The following NUP88 variants were observed in gnomAD, a reference collection of about 807,000 sequenced individuals.
The protein encoded by NUP88 is nucleoporin 88.
In NUP88, 57 loss-of-function variants were observed where a neutral mutation model predicts 93.9. That is an observed-to-expected ratio of 0.61 (90% CI 0.49 to 0.76). The LOEUF is 0.76. Among genes scored for constraint, NUP88 ranks in the 30% least tolerant of loss-of-function variants. The pLI, the probability that NUP88 is intolerant of heterozygous loss-of-function variation, is 0.00. For missense variants in NUP88, 911 were observed against 901.0 expected (o/e 1.01, Z -0.14); for synonymous variants, 346 against 336.8 (o/e 1.03, Z -0.30).
In NUP88 at chr17:5,388,928, A is replaced by T. The variant is rs1433475578; in HGVS notation, c.1517T>A (p.Leu506His). ...CACTTCAACATCTTCTCGAGTACAA[A>T]GCAGGGGAGGAGACGCTGGATGGAC... ...STVHPASPPL[L>H]CTREDVEVAE... is the part of the protein sequence containing the mutation. The change falls in exon 11 of 17, where the codon CTT becomes CAT. Residue 506 changes from leucine to histidine, a missense_variant. Leu to His is a moderately conservative substitution (Grantham distance 99, BLOSUM62 -3). Coordinates refer to ENST00000573584, the MANE Select transcript of NUP88 (RefSeq NM_002532.6). The T allele has an allele frequency of 1.9e-6, 3 of 1,613,338 alleles. No homozygotes were observed. The Admixed American group carries it at 5.0e-5, about 27-fold the overall frequency.
At chr17:5,399,034 G>A (rs536929871) in intron 8 of NUP88, among the ~76,000 whole-genome samples, 5 of 151,576 alleles carry the variant, frequency 3.3e-5, no homozygotes, top group East Asian at 3.9e-4. Flanking sequence ...GACTACAGGC[G>A]CCCGCCACCA....
At chr17:5,417,058 C>G (rs150620508) in intron 1 of NUP88, among the ~76,000 whole-genome samples, 1 of 152,024 alleles carries the variant, frequency 6.6e-6, no homozygotes, top group Non-Finnish European at 1.5e-5. Flanking sequence ...CACCTGTTCC[C>G]GTGCTCACAA....
At chr17:5,408,412 C>T (rs1302955866) in intron 5 of NUP88, among the ~76,000 whole-genome samples, 1 of 152,060 alleles carries the variant, frequency 6.6e-6, no homozygotes, top group African/African-American at 2.4e-5. Context: ...CATAAGATAC[C>T]AGATTACCAC....
At chr17:5,404,993 C>G in intron 6 of NUP88, 64 bp downstream of exon 6, 1 of 1,336,500 alleles carries the variant, frequency 7.5e-7, no homozygotes, top group Non-Finnish European at 1.0e-6. Context: ...ATTAAGCATT[C>G]ATATTGGGTC....
chr17:5,410,640 A>G (rs1271250002), intron 4 of NUP88, 63 bp downstream of exon 4: 7 of 1,015,514 alleles, frequency 6.9e-6, no homozygotes, highest in Non-Finnish European at 1.1e-5. Flanking sequence ...ACCTGTTAAA[A>G]TTGCATTTAT....
intron 7 of NUP88, among the ~76,000 whole-genome samples, chr17:5,403,492 A>G (rs928913554): frequency 6.6e-6 from 1 of 152,016 alleles, no homozygotes; most frequent in Non-Finnish European, 1.5e-5. Context: ...AAATGAATAA[A>G]TGAAATAAAA....
chr17:5,387,947 AAAC>A, intron 11 of NUP88, 43 bp from the exon 12 acceptor site: 1 of 1,547,722 alleles, frequency 6.5e-7, no homozygotes, highest in South Asian at 1.2e-5. Context: ...TAGCTGAGTA[AAAC>A]AACTGAAAAT....
rs1914158736 is a variant in NUP88 at position 5,416,492 on chromosome 17, GATAA to G, written c.467+17_467+20del. ...TTCTGTATATATAATAAATTATACAGATAAATAGTATACAACTTACCTACAATTC... is the reference window on the plus strand; with the variant it reads ...TTCTGTATATATAATAAATTATACAGATAGTATACAACTTACCTACAATTC... On this transcript the variant is annotated intron_variant, in intron 2 of 16. Coordinates refer to ENST00000573584, the MANE Select transcript of NUP88 (RefSeq NM_002532.6). 1 of 1,542,024 alleles carries G rather than the reference GATAA, an allele frequency of 6.5e-7. No homozygotes were observed. The highest frequency in any genetic ancestry group is 1.4e-5 in the African/African-American group (1 of 72,320).
chr17:5,417,280 C>G (rs1393944022), intron 1 of NUP88, among the ~76,000 whole-genome samples: 1 of 152,130 alleles, frequency 6.6e-6, no homozygotes, highest in East Asian at 1.9e-4. Context: ...TCTGGGCACT[C>G]CAGCATTTCT....
Position 5,405,193 on chromosome 17 carries a change from G to A in NUP88, c.908C>T (p.Ala303Val), listed in dbSNP as rs955164465. ...CGCATCATAACCATAGTTATCTTCA[G>A]CCGCAGGATGCATGGGCAATGGACC... ...LLGPLPMHPAAEDNYGYDACA... is the reference protein window; with the variant it reads ...LLGPLPMHPAVEDNYGYDACA... Residue 303 changes from alanine (A) to valine (V), a missense_variant, in exon 6 of 17, where the codon GCT becomes GTT. Coordinates refer to ENST00000573584, the MANE Select transcript of NUP88 (RefSeq NM_002532.6). 1.9e-6 allele frequency: 3 copies of A among 1,614,044 alleles called. No individual in the cohort carries two copies. The highest frequency in any genetic ancestry group is 2.5e-6 in the Non-Finnish European group (3 of 1,180,036).
intron 7 of NUP88, among the ~76,000 whole-genome samples, chr17:5,399,952 TTA>T (rs1913039916): frequency 6.6e-6 from 1 of 151,826 alleles, no homozygotes; most frequent in Non-Finnish European, 1.5e-5. Flanking sequence ...CATAAGAACG[TTA>T]TGTTTACACT....
intron 9 of NUP88, 106 bp downstream of exon 9, chr17:5,394,785 G>T: frequency 2.6e-6 from 2 of 760,388 alleles, no homozygotes; most frequent in South Asian, 3.2e-5. Flanking sequence ...ACTTTCAAAT[G>T]ACTCAGCAGT....
At chr17:5,408,018 CT>C (rs74391919) in intron 5 of NUP88, among the ~76,000 whole-genome samples, 78,637 of 151,958 alleles carry the variant, frequency 0.52, 21,765 homozygotes, top group East Asian at 0.97. Context: ...CACACTCACT[CT>C]TTTAACGAGG....
At chr17:5,400,236 C>G (rs745722774) in intron 7 of NUP88, among the ~76,000 whole-genome samples, 8 of 150,980 alleles carry the variant, frequency 5.3e-5, no homozygotes, top group Middle Eastern at 3.4e-3. Flanking sequence ...TGGTGGCTCA[C>G]GTCTGTAATC....
chr17:5,415,238 T>TCTGGCAA (rs1464087344), intron 2 of NUP88, among the ~76,000 whole-genome samples: 3 of 152,092 alleles, frequency 2.0e-5, no homozygotes, highest in African/African-American at 2.4e-5. Context: ...CAGGGTGGTC[T>TCTGGCAA]CAAGCTCCTG....
chr17:5,415,494 G>C (rs568716303), intron 2 of NUP88, among the ~76,000 whole-genome samples: 2 of 152,148 alleles, frequency 1.3e-5, no homozygotes, highest in Admixed American at 1.3e-4. Context: ...TTAAAATGAG[G>C]AAACAGATTT....
rs1483246369 is a variant in NUP88 at position 5,385,119 on chromosome 17, A to AAATGCC, written c.*1081_*1086dup. On this transcript the variant is annotated 3_prime_UTR_variant, in exon 17 of 17. Coordinates refer to ENST00000573584, the MANE Select transcript of NUP88 (RefSeq NM_002532.6). ...AATGGTTAGTGGTCTCTACTGTGGC[A>AAATGCC]AATGCCAACTGTTGGAATTCACTTT... The AAATGCC allele has an allele frequency of 3.5e-5, 8 of 229,498 alleles. No homozygotes were observed. The highest frequency in any genetic ancestry group is 1.5e-4 in the African/African-American group (7 of 45,200). 14.2% of individuals were successfully genotyped at this position (229,498 alleles called of 1,614,324 possible).
chr17:5,387,964 T>C lies in NUP88; in HGVS notation c.1644-60A>G, dbSNP rs373456035. 301 of 1,177,412 alleles carry C rather than the reference T, an allele frequency of 2.6e-4. 1 individual carries two copies. The African/African-American group carries it at 3.9e-3, about 15-fold the overall frequency. 72.9% of individuals were successfully genotyped at this position (1,177,412 alleles called of 1,614,324 possible). A position where few individuals can be genotyped will look rare whatever the true frequency, so the allele number is the denominator to read the frequency against. On this transcript the variant is annotated intron_variant, in intron 11 of 16. Coordinates refer to ENST00000573584, the MANE Select transcript of NUP88 (RefSeq NM_002532.6). ...GCTGAGTAAAACAACTGAAAATAAA[T>C]AGACTCAAGTCACAGGTGCTTTTTA...
chr17:5,391,592 T>C lies in NUP88; in HGVS notation c.1453A>G (p.Ser485Gly). ...GGCCATATGAGGCATTCATAGGTAC[T>C]GGTGATGCAGATCATCGTGGGTCCC... Reference protein sequence around the residue: ...ILGPTMICITSTYECLIWPLL... With the variant: ...ILGPTMICITGTYECLIWPLL... The change falls in exon 10 of 17, where the codon AGT (serine) becomes GGT (glycine). Residue 485 changes from serine to glycine, a missense_variant. By Grantham distance (56) the Ser-to-Gly change is moderately conservative (BLOSUM62 0). Transcript: ENST00000573584. 6.2e-7 allele frequency: 1 copy of C among 1,614,088 alleles called. No individual in the cohort carries two copies. The highest frequency in any genetic ancestry group is 1.1e-5 in the South Asian group (1 of 91,086).
Sources: allele counts gnomAD v4.1 joint callset (sites outside exome capture counted in the v4.1 genomes callset), GRCh38; gene constraint gnomAD v4.1.1; transcripts MANE v1.5; gene names NCBI Gene and HGNC (gene_info 2026-07-23, HGNC 2026-07-21).